The following ZNF679 variants were observed in gnomAD, a reference collection of about 807,000 sequenced individuals.
ZNF679 encodes the protein zinc finger protein 679, also known as hypothetical protein MGC42415.
A neutral mutation model predicts 13.4 loss-of-function variants in ZNF679; 10 were observed. The ratio of observed to expected loss-of-function variants is 0.75; its 90% CI spans 0.46 to 1.27. The LOEUF (loss-of-function observed/expected upper bound fraction) is 1.27, where lower values mean the gene tolerates loss of function less well. ZNF679 is among the 50% of genes most tolerant of loss of function. ZNF679 has a pLI of 0.00. For synonymous variants in ZNF679, 179 were observed against 162.5 expected, an observed-to-expected ratio of 1.10 and a Z score of -0.77; for missense variants, 525 against 477.8, an observed-to-expected ratio of 1.10 and a Z score of -0.92.
rs1456098273 is a variant in ZNF679 at position 64,260,266 on chromosome 7, G to C, written c.85G>C (p.Glu29Gln). Residue 29 changes from glutamate (E) to glutamine (Q), a missense_variant, in exon 3 of 5, where the codon GAG becomes CAG. Glu to Gln is a conservative substitution (Grantham distance 29, BLOSUM62 2). Coordinates refer to ENST00000421025, the MANE Select transcript of ZNF679 (RefSeq NM_153363.3). ...TGTAGTCATAGAATTCTCTCTGGAG[G>C]AGTGGCAATGCCTGGATCACGCTCA... is the stretch of plus-strand genomic sequence containing the variant. ...RDVVIEFSLEEWQCLDHAQQN... is the reference protein window; with the variant it reads ...RDVVIEFSLEQWQCLDHAQQN... 6.2e-7 allele frequency: 1 copy of C among 1,612,004 alleles called. No individual in the cohort carries two copies. Among genetic ancestry groups the C allele is most frequent in the East Asian group, 2.2e-5 (1 of 44,844 alleles).
intron 2 of ZNF679, 45 bp from the exon 3 acceptor site, chr7:64,260,176 T>G (rs748677850): frequency 6.5e-7 from 1 of 1,541,046 alleles, no homozygotes; most frequent in East Asian, 2.3e-5. Flanking sequence ...TAGTAAGTGT[T>G]TGTGTGTTCA....
chr7:64,236,866 AG>A (rs1215970354), intron 1 of ZNF679, among the ~76,000 whole-genome samples: 1 of 146,758 alleles, frequency 6.8e-6, no homozygotes, highest in African/African-American at 2.5e-5. Context: ...AAAGAAAAAA[AG>A]AAAGAAGAAA....
At chr7:64,240,990 T>G (rs1325366141) in intron 1 of ZNF679, among the ~76,000 whole-genome samples, 1 of 152,130 alleles carries the variant, frequency 6.6e-6, no homozygotes. Context: ...ATGTATGAGA[T>G]TCACAATTCC....
chr7:64,236,961 GAAAGAAAGAAAGA>G (rs1787730056), intron 1 of ZNF679, among the ~76,000 whole-genome samples: 1 of 47,542 alleles, frequency 2.1e-5, no homozygotes, highest in Non-Finnish European at 4.1e-5. Flanking sequence ...AAGAAAGAAA[GAAAGAAAGAAAGA>G]AAAAGAAAGA....
At chr7:64,246,538 C>T (rs1375106345) in intron 1 of ZNF679, among the ~76,000 whole-genome samples, 2 of 152,118 alleles carry the variant, frequency 1.3e-5, no homozygotes, top group African/African-American at 4.8e-5. Flanking sequence ...ATCTGGCCAA[C>T]ATGGTGAAAC....
chr7:64,256,608 T>C (rs1269684656), intron 2 of ZNF679, among the ~76,000 whole-genome samples: 1 of 152,162 alleles, frequency 6.6e-6, no homozygotes, highest in East Asian at 1.9e-4. Context: ...TGAGTGTGTT[T>C]ATTTGAATTA....
chr7:64,262,803 A>T (rs948416247), intron 4 of ZNF679, among the ~76,000 whole-genome samples: 1 of 152,204 alleles, frequency 6.6e-6, no homozygotes, highest in Non-Finnish European at 1.5e-5. Context: ...AAAGTTTAAA[A>T]TTTTTAAACA....
chr7:64,265,855 G>C (rs758109475), intron 4 of ZNF679, 41 bp from the exon 5 acceptor site: 1 of 1,589,120 alleles, frequency 6.3e-7, no homozygotes, highest in South Asian at 1.1e-5. Flanking sequence ...ATCTATCTGG[G>C]TGTAGTAAGT....
intron 1 of ZNF679, among the ~76,000 whole-genome samples, chr7:64,231,453 A>T (rs1787638087): frequency 6.6e-6 from 1 of 151,968 alleles, no homozygotes; most frequent in Non-Finnish European, 1.5e-5. Flanking sequence ...CAGGCAGGAA[A>T]AGAGAGTCAA....
At chr7:64,233,577 G>A (rs1787670483) in intron 1 of ZNF679, among the ~76,000 whole-genome samples, 1 of 152,112 alleles carries the variant, frequency 6.6e-6, no homozygotes, top group African/African-American at 2.4e-5. Context: ...TCAGGTCTTT[G>A]CTTCCGTGTA....
chr7:64,245,280 C>T (rs566969395), intron 1 of ZNF679, among the ~76,000 whole-genome samples: 1 of 152,272 alleles, frequency 6.6e-6, no homozygotes, highest in South Asian at 2.1e-4. Context: ...CCTGCCTCGG[C>T]CTCCCAAGGT....
chr7:64,263,566 A>C (rs746637748), intron 4 of ZNF679, among the ~76,000 whole-genome samples: 8 of 152,174 alleles, frequency 5.3e-5, no homozygotes, highest in Non-Finnish European at 1.0e-4. Context: ...TGCATCGTGG[A>C]GACAAATCCC....
At position 64,266,231 on chromosome 7, in the gene ZNF679, C is replaced by A. The variant is rs766210061; in HGVS notation, c.598C>A (p.His200Asn). The A allele has an allele frequency of 4.7e-5, 74 of 1,579,742 alleles. No individual in the cohort carries two copies. Among genetic ancestry groups the A allele is most frequent in the Admixed American group, 9.3e-5 (5 of 53,718 alleles). Residue 200 changes from histidine to asparagine, a missense_variant, in exon 5 of 5, where the codon CAT becomes AAT. Physicochemically the swap from His to Asn is moderately conservative, Grantham distance 68. Transcript: ENST00000421025. ...ATCATTTTGCATGGTTTCACAACTA[C>A]ATCAACATCAGATAATTCATACTAG... The part of the protein sequence containing the change: ...GKSFCMVSQL[H>N]QHQIIHTREN...
chr7:64,256,847 G>T (rs528698020), intron 2 of ZNF679, among the ~76,000 whole-genome samples: 159 of 151,928 alleles, frequency 1.0e-3, no homozygotes, highest in African/African-American at 3.7e-3. Flanking sequence ...GCAGGCACCC[G>T]CCACCATGCC....
chr7:64,235,117 T>G (rs1249368418), intron 1 of ZNF679, among the ~76,000 whole-genome samples: 1 of 152,062 alleles, frequency 6.6e-6, no homozygotes, highest in African/African-American at 2.4e-5. Context: ...GGATTACAGG[T>G]GTAAGCCACT....
chr7:64,251,099 A>T (rs1748175135), intron 2 of ZNF679, among the ~76,000 whole-genome samples: 1 of 152,178 alleles, frequency 6.6e-6, no homozygotes, highest in Admixed American at 6.5e-5. Flanking sequence ...GATGACACTT[A>T]AAGAGTGCCA....
At chr7:64,236,922 G>GAAGA (rs1290345784) in intron 1 of ZNF679, among the ~76,000 whole-genome samples, 4,139 of 85,266 alleles carry the variant, frequency 0.049, 111 homozygotes, top group Admixed American at 0.087. Context: ...AAGAAAGAAA[G>GAAGA]AAGAAAGAAA....
chr7:64,242,918 C>T (rs927053470), intron 1 of ZNF679, among the ~76,000 whole-genome samples: 3 of 152,134 alleles, frequency 2.0e-5, no homozygotes, highest in Admixed American at 1.3e-4. Context: ...ACCACCTGAC[C>T]TTTGTCCAGA....
At chr7:64,260,603 C>G (rs1042326198) in intron 3 of ZNF679, among the ~76,000 whole-genome samples, 2 of 151,998 alleles carry the variant, frequency 1.3e-5, no homozygotes, top group African/African-American at 4.8e-5. Flanking sequence ...ATATCGTTGC[C>G]CACACCTTAG....
Sources: gnomAD v4.1 joint callset for allele counts (sites outside exome capture counted in the v4.1 genomes callset) on GRCh38, gnomAD v4.1.1 for gene constraint, MANE v1.5 for transcripts, NCBI Gene and HGNC (gene_info 2026-07-23, HGNC 2026-07-21) for gene names.